Variants in RRAS observed in about 807,000 individuals in gnomAD.
The protein encoded by RRAS is RAS related, also known as ras-related protein R-Ras.
In RRAS, 18 loss-of-function variants were observed where a neutral mutation model predicts 23.3. The ratio of observed to expected loss-of-function variants is 0.77; its 90% CI spans 0.53 to 1.15. RRAS has a LOEUF of 1.15. Among genes scored for constraint, RRAS ranks in the 50% most tolerant of loss-of-function variants. The pLI is 0.00. For synonymous variants in RRAS, 133 were observed against 138.3 expected, an observed-to-expected ratio of 0.96 and a Z score of 0.27; for missense variants, 291 against 317.1, an observed-to-expected ratio of 0.92 and a Z score of 0.62.
Position 49,636,592 on chromosome 19 carries a change from G to A in RRAS, c.453+27C>T. 1 of 1,534,318 alleles carries A rather than the reference G, an allele frequency of 6.5e-7. No individual in the cohort carries two copies. The highest frequency in any genetic ancestry group is 9.0e-7 in the Non-Finnish European group (1 of 1,107,226). ...AAGGAGCCTCCCAGACTGAGATGGG[G>A]TCCCCAGAAAGAGGGGTGTCCCGAA... On this transcript the variant is annotated intron_variant, in intron 4 of 5. Coordinates refer to ENST00000246792, the MANE Select transcript of RRAS (RefSeq NM_006270.5). This position sits in a 1 kb window ranked among gnomAD's most constrained non-coding sequence, Gnocchi z 4.5.
Position 49,640,110 on chromosome 19 carries a change from T to C in RRAS, c.-12A>G. On this transcript the variant is annotated 5_prime_UTR_variant, in exon 1 of 6. Transcript: ENST00000246792. ...GCCCCGCTGCTCATGTCGCCACCGC[T>C]GCTGCTGCCTTCGCTACCGCCTGCG... 7.3e-7 allele frequency: 1 copy of C among 1,371,754 alleles called. No homozygotes were observed. Among genetic ancestry groups the C allele is most frequent in the South Asian group, 1.7e-5 (1 of 58,016 alleles). The allele number at this position is 1,371,754 out of a possible 1,614,324, so 85.0% of individuals were successfully genotyped here. A position where few individuals can be genotyped will look rare whatever the true frequency, so the allele number is the denominator to read the frequency against.
rs1391967957 is a variant in RRAS at position 49,636,414 on chromosome 19, T to C, written c.453+205A>G. On this transcript the variant is annotated intron_variant, in intron 4 of 5. Coordinates refer to ENST00000246792, the MANE Select transcript of RRAS (RefSeq NM_006270.5). This position sits in a 1 kb window ranked among gnomAD's most constrained non-coding sequence, Gnocchi z 4.5. ...CTTTGTTCCGTCCAGCAGCCTCTCC[T>C]GAGGACACTTGCATGCTAGGCCCTC... Among the ~76,000 whole-genome samples, 1 of 152,052 alleles carries C rather than the reference T, an allele frequency of 6.6e-6. No homozygotes were observed. The highest frequency in any genetic ancestry group is 1.5e-5 in the Non-Finnish European group (1 of 68,000).
intron 1 of RRAS, among the ~76,000 whole-genome samples, chr19:49,638,859 G>T (rs920456317): frequency 6.6e-6 from 1 of 151,952 alleles, no homozygotes; most frequent in Admixed American, 6.6e-5. Context: ...TTCTGAGAGG[G>T]GCTCAGGGAG....
chr19:49,635,711 G>T (rs201757410), intron 5 of RRAS, 23 bp downstream of exon 5: 172 of 1,548,742 alleles, frequency 1.1e-4, no homozygotes, highest in Non-Finnish European at 1.4e-4. Flanking sequence ...GGACAAGGAC[G>T]ACAGGAAGGG....
In RRAS at chr19:49,640,044, G is replaced by A. The variant is rs1452977937; in HGVS notation, c.55C>T (p.Pro19Ser). ...TGRGRPRGGG[P>S]GPGDPPPSET... ...CTGGGCGGGGGGTCCCCGGGCCCAGGTCCCCCGCCCCGGGGCCGCCCCCGC... is the reference window on the plus strand; with the variant it reads ...CTGGGCGGGGGGTCCCCGGGCCCAGATCCCCCGCCCCGGGGCCGCCCCCGC... Residue 19 changes from proline (P) to serine (S), a missense_variant, in exon 1 of 6, where the codon CCT becomes TCT. Coordinates refer to ENST00000246792, the MANE Select transcript of RRAS (RefSeq NM_006270.5). 1 of 1,517,656 alleles carries A rather than the reference G, an allele frequency of 6.6e-7. No individual in the cohort carries two copies. Among genetic ancestry groups the A allele is most frequent in the East Asian group, 2.6e-5 (1 of 38,060 alleles). 94.0% of individuals were successfully genotyped at this position (1,517,656 alleles called of 1,614,324 possible). A position where few individuals can be genotyped will look rare whatever the true frequency, so the allele number is the denominator to read the frequency against.
intron 1 of RRAS, among the ~76,000 whole-genome samples, chr19:49,639,345 A>AT (rs2081011361): frequency 6.6e-6 from 1 of 151,872 alleles, no homozygotes; most frequent in Admixed American, 6.6e-5. Flanking sequence ...GAATTGCTTG[A>AT]ATCCAGGAGG....
At chr19:49,638,111 C>T (rs2081005332) in intron 1 of RRAS, among the ~76,000 whole-genome samples, 1 of 152,182 alleles carries the variant, frequency 6.6e-6, no homozygotes, top group Non-Finnish European at 1.5e-5. Flanking sequence ...CCCCCGTCTC[C>T]TTCTCCTGCT....
rs558622306 is a variant in RRAS, at chr19:49,635,352, G to C, written c.*224C>G. The C allele has an allele frequency of 2.7e-6, 1 of 376,406 alleles. No individual in the cohort carries two copies. Among genetic ancestry groups the C allele is most frequent in the Admixed American group, 4.6e-5 (1 of 21,922 alleles). 23.3% of individuals were successfully genotyped at this position (376,406 alleles called of 1,614,324 possible). On this transcript the variant is annotated 3_prime_UTR_variant, in exon 6 of 6. Coordinates refer to ENST00000246792, the MANE Select transcript of RRAS (RefSeq NM_006270.5). The stretch of plus-strand genomic sequence containing the variant: ...GGGAGTTATATACAGCAGTGACCCG[G>C]AGCCCCTCACCCCCACCAGGCTTAG...
rs556200895 is a variant in RRAS at position 49,635,779 on chromosome 19, C to T, written c.527G>A (p.Arg176His). 4.3e-5 allele frequency: 69 copies of T among 1,595,122 alleles called. 1 individual carries two copies. The highest frequency in any genetic ancestry group is 2.3e-4 in the South Asian group (21 of 89,936). ...CTCAAAAGCCTCGTCCACGTTGAGACGCAGTTTGGCCGAGGCCTCAAAGTA... is the reference window on the plus strand; with the variant it reads ...CTCAAAAGCCTCGTCCACGTTGAGATGCAGTTTGGCCGAGGCCTCAAAGTA... ...VAYFEASAKLRLNVDEAFEQL... is the reference protein window; with the variant it reads ...VAYFEASAKLHLNVDEAFEQL... The change falls in exon 5 of 6, where the codon CGT becomes CAT. Residue 176 changes from arginine to histidine, a missense_variant. Arg to His is a conservative substitution (Grantham distance 29, BLOSUM62 0). Coordinates refer to ENST00000246792, the MANE Select transcript of RRAS (RefSeq NM_006270.5).
rs1329143079 is a variant in RRAS, at chr19:49,635,851, A to G, written c.455T>C (p.Val152Ala). 1.9e-5 allele frequency: 13 copies of G among 670,058 alleles called. No individual in the cohort carries two copies. The highest frequency in any genetic ancestry group is 3.6e-4 in the Middle Eastern group (1 of 2,786). The allele number at this position is 670,058 out of a possible 1,614,324, so 41.5% of individuals were successfully genotyped here. ...NKADLESQRQ[V>A]PRSEASAFGA... ...GAAGGCAGAGGCTTCTGATCGGGGG[A>G]CCTGGGGGTAGGGGGGACACGGGGG... Residue 152 changes from valine to alanine, a missense_variant and splice_region_variant, in exon 5 of 6, where the codon GTC becomes GCC. Val to Ala is a moderately conservative substitution (Grantham distance 64). Transcript: ENST00000246792.
At chr19:49,635,682 T>C in intron 5 of RRAS, 22 bp from the exon 6 acceptor site, 2 of 1,489,354 alleles carry the variant, frequency 1.3e-6, no homozygotes, top group Non-Finnish European at 1.8e-6. Context: ...CGCCAGTGAG[T>C]TTGGAGTGGA....
At chr19:49,637,614 C>T (rs2081003108) in intron 1 of RRAS, among the ~76,000 whole-genome samples, 1 of 149,304 alleles carries the variant, frequency 6.7e-6, no homozygotes, top group South Asian at 2.1e-4. Flanking sequence ...CTGCCCTGTC[C>T]TTCTCTCTCT....
In RRAS at chr19:49,635,829, G is replaced by A; in HGVS notation, c.477C>T (p.Ala159=). 1 of 1,597,428 alleles carries A rather than the reference G, an allele frequency of 6.3e-7. No homozygotes were observed. The highest frequency in any genetic ancestry group is 8.6e-7 in the Non-Finnish European group (1 of 1,167,792). ...QRQVPRSEAS[A]FGASHHVAYF... ...AGGCCACGTGGTGGGAGGCGCCGAA[G>A]GCAGAGGCTTCTGATCGGGGGACCT... is the stretch of plus-strand genomic sequence containing the variant. Residue 159 remains alanine, a synonymous_variant, in exon 5 of 6, where the codon GCC becomes GCT. Coordinates refer to ENST00000246792, the MANE Select transcript of RRAS (RefSeq NM_006270.5).
intron 1 of RRAS, 89 bp from the exon 2 acceptor site, chr19:49,637,219 C>T (rs2081001137): frequency 4.3e-6 from 4 of 927,666 alleles, no homozygotes; most frequent in South Asian, 4.2e-5. Flanking sequence ...AGTCTCTGTC[C>T]CTCTCTCTCT....
Position 49,635,729 on chromosome 19 carries a change from C to T in RRAS, c.572+5G>A, listed in dbSNP as rs765114836. The T allele has an allele frequency of 5.8e-6, 9 of 1,562,588 alleles. No individual in the cohort carries two copies. The highest frequency in any genetic ancestry group is 5.3e-6 in the Non-Finnish European group (6 of 1,142,346). On this transcript the variant is annotated splice_donor_5th_base_variant and intron_variant, in intron 5 of 5. Coordinates refer to ENST00000246792, the MANE Select transcript of RRAS (RefSeq NM_006270.5). ...CAAGGACGACAGGAAGGGGACTTGG[C>T]TCACCGGACAGCCCGCACCAGCTGC...
Position 49,635,823 on chromosome 19 carries a change from GCCGAA to G in RRAS, c.478_482del (p.Phe160ArgfsTer9). 1 of 1,581,194 alleles carries G rather than the reference GCCGAA, an allele frequency of 6.3e-7. No individual in the cohort carries two copies. Among genetic ancestry groups the G allele is most frequent in the South Asian group, 1.1e-5 (1 of 89,682 alleles). On this transcript the variant is annotated frameshift_variant, in exon 5 of 6. Coordinates refer to ENST00000246792, the MANE Select transcript of RRAS (RefSeq NM_006270.5). LOFTEE classifies it high-confidence loss of function. ...CAAAGTAGGCCACGTGGTGGGAGGC[GCCGAA>G]GGCAGAGGCTTCTGATCGGGGGACC... is the stretch of plus-strand genomic sequence containing the variant.
In RRAS at chr19:49,635,859, G is replaced by C; in HGVS notation, c.454-7C>G. 1 of 1,066,396 alleles carries C rather than the reference G, an allele frequency of 9.4e-7. No individual in the cohort carries two copies. Among genetic ancestry groups the C allele is most frequent in the Non-Finnish European group, 1.4e-6 (1 of 716,154 alleles). The allele number at this position is 1,066,396 out of a possible 1,614,324, so 66.1% of individuals were successfully genotyped here. ...AGGCTTCTGATCGGGGGACCTGGGG[G>C]TAGGGGGGACACGGGGGAGTCAGGT... On this transcript the variant is annotated splice_polypyrimidine_tract_variant and splice_region_variant and intron_variant, in intron 4 of 5. Coordinates refer to ENST00000246792, the MANE Select transcript of RRAS (RefSeq NM_006270.5).
At position 49,635,851 on chromosome 19, in the gene RRAS, AC is replaced by A; in HGVS notation, c.454del (p.Val152SerfsTer82). On this transcript the variant is annotated frameshift_variant and splice_region_variant, in exon 5 of 6. Coordinates refer to ENST00000246792, the MANE Select transcript of RRAS (RefSeq NM_006270.5). LOFTEE classifies it high-confidence loss of function. ...NKADLESQRQ[V>X]PRSEASAFGA... ...GAAGGCAGAGGCTTCTGATCGGGGG[AC>A]CTGGGGGTAGGGGGGACACGGGGGA... The A allele has an allele frequency of 3.0e-6, 2 of 670,180 alleles. No individual in the cohort carries two copies. Among genetic ancestry groups the A allele is most frequent in the Admixed American group, 3.0e-5 (1 of 33,856 alleles). 41.5% of individuals were successfully genotyped at this position (670,180 alleles called of 1,614,324 possible).
rs199656328 is a variant in RRAS, at chr19:49,636,705, A to G, written c.367T>C (p.Phe123Leu). ...RQSFNEVGKL[F>L]TQILRVKDRD... is the part of the protein sequence containing the mutation. ...TCCTTGACCCGCAGAATCTGCGTGA[A>G]GAGCTTGCCCACCTCGTTGAAACTG... Residue 123 changes from phenylalanine (F) to leucine (L), a missense_variant, in exon 4 of 6, where the codon TTC (phenylalanine) becomes CTC (leucine). Physicochemically the swap from Phe to Leu is conservative, Grantham distance 22 (BLOSUM62 0). Coordinates refer to ENST00000246792, the MANE Select transcript of RRAS (RefSeq NM_006270.5). The surrounding 1 kb of genome is among the most constrained non-coding windows in gnomAD (Gnocchi z 4.5). 1.2e-6 allele frequency: 2 copies of G among 1,614,062 alleles called. No homozygotes were observed. The highest frequency in any genetic ancestry group is 2.2e-5 in the South Asian group (2 of 91,082).
Sources: allele counts gnomAD v4.1 joint callset (sites outside exome capture counted in the v4.1 genomes callset), GRCh38; gene constraint gnomAD v4.1.1; non-coding constraint Gnocchi (gnomAD v3.1); transcripts MANE v1.5; gene names NCBI Gene and HGNC (gene_info 2026-07-23, HGNC 2026-07-21).